Variants in DNAH5 observed in about 807,000 individuals in gnomAD.
DNAH5 encodes the protein axonemal beta dynein heavy chain 5.
A neutral mutation model predicts 518.2 loss-of-function variants in DNAH5; 372 were observed. That is an observed-to-expected ratio of 0.72 (90% CI 0.66 to 0.78). DNAH5 has a LOEUF of 0.78. Among genes scored for constraint, DNAH5 ranks in the 30% least tolerant of loss-of-function variants. The probability of loss-of-function intolerance (pLI) is 0.00; values close to 1 mark genes in which losing one functional copy is unlikely to be tolerated. For synonymous variants in DNAH5, 2,039 were observed against 2,025.9 expected, an observed-to-expected ratio of 1.01 and a Z score of -0.17; for missense variants, 5,523 against 5,687.0, an observed-to-expected ratio of 0.97 and a Z score of 0.93.
chr5:13,923,936 C>T (rs1777582231), intron 3 of DNAH5, among the ~76,000 whole-genome samples: 1 of 152,132 alleles, frequency 6.6e-6, no homozygotes, highest in South Asian at 2.1e-4. Context: ...ATCCCAGCTA[C>T]TTGGGAGGCT....
At chr5:13,928,974 C>CG (rs1243099397) in intron 2 of DNAH5, among the ~76,000 whole-genome samples, 1 of 152,098 alleles carries the variant, frequency 6.6e-6, no homozygotes, top group Non-Finnish European at 1.5e-5. Context: ...CCACATGATC[C>CG]GGGAACTCCA....
intron 1 of DNAH5, 92 bp from the exon 2 acceptor site, chr5:13,931,336 G>C: frequency 6.6e-7 from 1 of 1,508,736 alleles, no homozygotes. Flanking sequence ...GTTTTTTCAA[G>C]TCTTAGGTAT....
chr5:13,768,899 T>C, intron 58 of DNAH5, 61 bp downstream of exon 58: 1 of 1,569,512 alleles, frequency 6.4e-7, no homozygotes, highest in Non-Finnish European at 8.8e-7. Flanking sequence ...TATTCATCTT[T>C]TTAGCATTAG....
Position 13,867,954 on chromosome 5 carries a change from T to A in DNAH5, c.3873A>T (p.Ile1291=), listed in dbSNP as rs970611077. The A allele has an allele frequency of 4.3e-6, 7 of 1,613,944 alleles. No homozygotes were observed. The highest frequency in any genetic ancestry group is 5.9e-6 in the Non-Finnish European group (7 of 1,179,952). Residue 1291 remains isoleucine, a synonymous_variant, in exon 25 of 79, where the codon ATA becomes ATT. Transcript: ENST00000265104. The part of the protein sequence containing the change: ...YALLNRYGLL[I]AREEIDKVDT... ...CAACTTTGTCTATCTCTTCCCTTGC[T>A]ATCAGAAGTCCATATCTGTTAAGCA...
chr5:13,983,317 C>A (rs1782816214), intron 1 of DNAH5, among the ~76,000 whole-genome samples: 1 of 152,170 alleles, frequency 6.6e-6, no homozygotes, highest in Non-Finnish European at 1.5e-5. Context: ...AAACCTGGAG[C>A]CTGAAGTCGT....
chr5:13,739,145 T>C (rs569435815), intron 65 of DNAH5, among the ~76,000 whole-genome samples: 45 of 152,210 alleles, frequency 3.0e-4, no homozygotes, highest in African/African-American at 9.6e-4. Context: ...GAAATCTACA[T>C]TCTCAATTGG....
At chr5:13,814,885 A>G (rs575032375) in intron 42 of DNAH5, 39 bp from the exon 43 acceptor site, 1 of 1,603,220 alleles carries the variant, frequency 6.2e-7, no homozygotes, top group South Asian at 1.1e-5. Flanking sequence ...AAATACATAC[A>G]CTCATGCAGT....
At chr5:13,729,598 C>T (rs776664124) in intron 68 of DNAH5, 38 bp from the exon 69 acceptor site, 2 of 1,562,966 alleles carry the variant, frequency 1.3e-6, no homozygotes, top group Admixed American at 3.4e-5. Flanking sequence ...ATTTCCCTTC[C>T]TTCACTATAA....
intron 1 of DNAH5, among the ~76,000 whole-genome samples, chr5:13,952,900 A>T (rs1159566586): frequency 6.6e-6 from 1 of 152,214 alleles, no homozygotes; most frequent in Non-Finnish European, 1.5e-5. Context: ...CTTCCACCCC[A>T]GTCTCCCAAG....
chr5:13,984,678 C>A (rs1473850989), intron 1 of DNAH5, among the ~76,000 whole-genome samples: 2 of 152,146 alleles, frequency 1.3e-5, no homozygotes, highest in Non-Finnish European at 2.9e-5. Context: ...TCATAAATAG[C>A]TCTTATTATT....
intron 41 of DNAH5, 109 bp downstream of exon 41, chr5:13,820,237 C>A (rs1762035677): frequency 8.9e-7 from 1 of 1,122,296 alleles, no homozygotes; most frequent in African/African-American, 1.5e-5. Context: ...AGTATTTCCT[C>A]CTATAAAAAT....
At position 13,817,714 on chromosome 5, in the gene DNAH5, A is replaced by C; in HGVS notation, c.6842-20T>G. 6.2e-7 allele frequency: 1 copy of C among 1,613,572 alleles called. No individual in the cohort carries two copies. Among genetic ancestry groups the C allele is most frequent in the Non-Finnish European group, 8.5e-7 (1 of 1,179,540 alleles). The stretch of plus-strand genomic sequence containing the variant: ...CACAATCTATACCAAGTAAATCCAA[A>C]TTTTAGACATCTCAGATGGGAAGTG... On this transcript the variant is annotated intron_variant, in intron 41 of 78. Coordinates refer to ENST00000265104, the MANE Select transcript of DNAH5 (RefSeq NM_001369.3).
intron 31 of DNAH5, among the ~76,000 whole-genome samples, chr5:13,845,710 T>A (rs1765892025): frequency 6.6e-6 from 1 of 152,202 alleles, no homozygotes; most frequent in Non-Finnish European, 1.5e-5. Context: ...TATTTTGTTA[T>A]AATTATGATG....
At chr5:13,733,832 T>C (rs1238656126) in intron 68 of DNAH5, among the ~76,000 whole-genome samples, 3 of 152,094 alleles carry the variant, frequency 2.0e-5, no homozygotes, top group South Asian at 2.1e-4. Context: ...ACTGTTCCCC[T>C]AGGGGTGGTC....
At position 13,852,225 on chromosome 5, in the gene DNAH5, C is replaced by T. The variant is rs180906363; in HGVS notation, c.4951-1410G>A. Among the ~76,000 whole-genome samples the T allele has an allele frequency of 7.1e-3, 1,080 of 152,178 alleles. 6 individuals carry two copies. Among genetic ancestry groups the T allele is most frequent in the Non-Finnish European group, 0.011 (749 of 67,984 alleles). On this transcript the variant is annotated intron_variant, in intron 30 of 78. Transcript: ENST00000265104. ...TCTTTTTGCCCAGGCTGGAGTGCAA[C>T]GGTGTGATCTCAGCTCACTGCAACC...
intron 1 of DNAH5, among the ~76,000 whole-genome samples, chr5:14,001,630 T>C (rs1278077660): frequency 6.6e-6 from 1 of 151,970 alleles, no homozygotes; most frequent in Non-Finnish European, 1.5e-5. Context: ...CCCAAAGTGC[T>C]GGGATTACAG....
At chr5:13,793,096 C>A (rs558416336) in intron 49 of DNAH5, among the ~76,000 whole-genome samples, 1 of 152,224 alleles carries the variant, frequency 6.6e-6, no homozygotes, top group African/African-American at 2.4e-5. Flanking sequence ...GCTCTGGGTG[C>A]CATTATTTCT....
intron 1 of DNAH5, among the ~76,000 whole-genome samples, chr5:13,958,945 T>C (rs1295931113): frequency 6.6e-6 from 1 of 151,652 alleles, no homozygotes; most frequent in African/African-American, 2.4e-5. Context: ...TTTATGTTTC[T>C]CAACAGCCTT....
intron 38 of DNAH5, among the ~76,000 whole-genome samples, chr5:13,828,101 T>G (rs1763141970): frequency 6.6e-6 from 1 of 152,154 alleles, no homozygotes; most frequent in Non-Finnish European, 1.5e-5. Flanking sequence ...AGGGCTCCAA[T>G]AAGCAGAAGA....
Sources: gnomAD v4.1 joint callset for allele counts (sites outside exome capture counted in the v4.1 genomes callset) on GRCh38, gnomAD v4.1.1 for gene constraint, MANE v1.5 for transcripts, NCBI Gene and HGNC (gene_info 2026-07-23, HGNC 2026-07-21) for gene names.